MLXIPL: variants seen among roughly 807,000 people sequenced by gnomAD.
MLXIPL encodes MLX interacting protein like.
MLXIPL carries 49 observed loss-of-function variants against 81.5 expected under a neutral mutation model. The ratio of observed to expected loss-of-function variants is 0.60; its 90% confidence interval spans 0.48 to 0.76. MLXIPL has a LOEUF of 0.76. MLXIPL is among the 30% of genes least tolerant of loss of function. The pLI, the probability that MLXIPL is intolerant of heterozygous loss-of-function variation, is 0.00. For missense variants in MLXIPL, 1,053 were observed against 1,167.0 expected (o/e 0.90, Z 1.42); for synonymous variants, 466 against 485.5 (o/e 0.96, Z 0.53).
At chr7:73,600,694 G>T (rs1291135930) in intron 7 of MLXIPL, among the ~76,000 whole-genome samples, 3 of 105,780 alleles carry the variant, frequency 2.8e-5, no homozygotes, top group African/African-American at 1.0e-4. Flanking sequence ...GGGTGGGGGC[G>T]AGAGGGGCCC....
the MLXIPL span, among the ~76,000 whole-genome samples, chr7:73,643,030 T>C: frequency 7.2e-5 from 11 of 152,136 alleles, no homozygotes; most frequent in Non-Finnish European, 1.5e-4. Context: ...CCAAGGGTTG[T>C]AGGAGCTGTG....
At chr7:73,603,993 A>G (rs1481732035) in intron 7 of MLXIPL, among the ~76,000 whole-genome samples, 1 of 152,010 alleles carries the variant, frequency 6.6e-6, no homozygotes, top group Non-Finnish European at 1.5e-5. Flanking sequence ...AGGTGGGAGG[A>G]TCGCTTGAGG....
In MLXIPL at chr7:73,607,647, C is replaced by G. The variant is rs1554598754; in HGVS notation, c.426G>C (p.Val142=). ...CCTGCAGGGGGGTCACGAAGCCACA[C>G]ACGGGGCTCTTCCTCCGCTTCACAT... is the stretch of plus-strand genomic sequence containing the variant. ...IQYVKRRKSP[V]CGFVTPLQGP... The change falls in exon 3 of 17, where the codon GTG becomes GTC. Residue 142 remains valine (V), a synonymous_variant. Transcript: ENST00000313375. 1 of 1,613,488 alleles carries G rather than the reference C, an allele frequency of 6.2e-7. No individual in the cohort carries two copies. The highest frequency in any genetic ancestry group is 1.7e-5 in the Admixed American group (1 of 60,020).
intron 8 of MLXIPL, 130 bp from the exon 9 acceptor site, chr7:73,597,843 A>T (rs1422669372): frequency 3.8e-6 from 2 of 524,012 alleles, no homozygotes; most frequent in Non-Finnish European, 6.0e-6. Flanking sequence ...AGATAGGAGA[A>T]ATGAGCCCTG....
chr7:73,601,964 G>A (rs1402216862), intron 7 of MLXIPL, among the ~76,000 whole-genome samples: 5 of 152,070 alleles, frequency 3.3e-5, no homozygotes, highest in African/African-American at 1.2e-4. Context: ...CGCTCCGTCT[G>A]AGGCCATGTG....
intron 1 of MLXIPL, among the ~76,000 whole-genome samples, chr7:73,621,371 G>A (rs1796335113): frequency 6.6e-6 from 1 of 151,276 alleles, no homozygotes; most frequent in African/African-American, 2.4e-5. Context: ...CCTGCAGAGG[G>A]TGAAACCTTG....
chr7:73,603,776 G>C (rs1308172767), intron 7 of MLXIPL, among the ~76,000 whole-genome samples: 1 of 152,158 alleles, frequency 6.6e-6, no homozygotes, highest in Non-Finnish European at 1.5e-5. Flanking sequence ...AGTGAGGAAG[G>C]CCACTTGGAA....
the MLXIPL span, among the ~76,000 whole-genome samples, chr7:73,642,701 G>T: frequency 2.0e-5 from 3 of 152,076 alleles, no homozygotes; most frequent in Non-Finnish European, 4.4e-5. Flanking sequence ...TTGCCATGTT[G>T]CCCAGTCTGG....
chr7:73,646,882 C>T, the MLXIPL span, among the ~76,000 whole-genome samples: 1 of 152,146 alleles, frequency 6.6e-6, no homozygotes, highest in Non-Finnish European at 1.5e-5. Context: ...CCCCTGACTT[C>T]CTGACTCAGC....
chr7:73,639,161 G>A, the MLXIPL span, among the ~76,000 whole-genome samples: 7 of 152,084 alleles, frequency 4.6e-5, no homozygotes, highest in African/African-American at 7.2e-5. Context: ...GGCTGCTTCC[G>A]GGGGAGGCTT....
the MLXIPL span, among the ~76,000 whole-genome samples, chr7:73,637,243 C>T: frequency 5.9e-5 from 9 of 151,480 alleles, no homozygotes; most frequent in Middle Eastern, 3.5e-3. Flanking sequence ...TTTGGCAGGC[C>T]GAGGCAAGAG....
the MLXIPL span, among the ~76,000 whole-genome samples, chr7:73,644,734 G>A: frequency 6.6e-6 from 1 of 152,156 alleles, no homozygotes; most frequent in Non-Finnish European, 1.5e-5. Flanking sequence ...GGACAAAGAA[G>A]ATAGGGCGAC....
chr7:73,620,379 G>A (rs1342610951), intron 1 of MLXIPL, among the ~76,000 whole-genome samples: 1 of 151,870 alleles, frequency 6.6e-6, no homozygotes, highest in Non-Finnish European at 1.5e-5. Context: ...ACTCCAGCTT[G>A]AGTGTCACAG....
At chr7:73,606,396 T>G (rs1238311696) in intron 5 of MLXIPL, 15 of 342,242 alleles carry the variant, frequency 4.4e-5, no homozygotes, top group Non-Finnish European at 6.4e-5. Context: ...GTCCCTCTGG[T>G]TTTTTTTTTT....
chr7:73,597,251 G>C lies in MLXIPL; in HGVS notation c.1534C>G (p.Pro512Ala). ...GQKASPPTLAPATASPPTTAG... is the reference protein window; with the variant it reads ...GQKASPPTLAAATASPPTTAG... ...GTGGTGGGGGGACTGGCAGTGGCAGGGGCTAAGGTAGGGGGGCTGGCTTTC... is the reference window on the plus strand; with the variant it reads ...GTGGTGGGGGGACTGGCAGTGGCAGCGGCTAAGGTAGGGGGGCTGGCTTTC... Residue 512 changes from proline (P) to alanine (A), a missense_variant, in exon 9 of 17, where the codon CCT becomes GCT. Transcript: ENST00000313375. 6.2e-7 allele frequency: 1 copy of C among 1,600,240 alleles called. No homozygotes were observed. The highest frequency in any genetic ancestry group is 8.5e-7 in the Non-Finnish European group (1 of 1,175,506).
intron 5 of MLXIPL, chr7:73,606,503 G>A: frequency 3.2e-6 from 1 of 315,244 alleles, no homozygotes. Flanking sequence ...TCAGCTCACT[G>A]CAACCTCCAC....
At chr7:73,640,300 G>A in the MLXIPL span, among the ~76,000 whole-genome samples, 1 of 151,216 alleles carries the variant, frequency 6.6e-6, no homozygotes, top group Non-Finnish European at 1.5e-5. Context: ...AGCTTCTTGG[G>A]GTGCTGAGGT....
chr7:73,637,828 G>T, the MLXIPL span, among the ~76,000 whole-genome samples: 1 of 152,304 alleles, frequency 6.6e-6, no homozygotes, highest in South Asian at 2.1e-4. Flanking sequence ...TGTCAGGCAG[G>T]GTGAGAGGTC....
intron 1 of MLXIPL, among the ~76,000 whole-genome samples, chr7:73,617,662 T>C (rs568646654): frequency 5.1e-4 from 77 of 151,574 alleles, no homozygotes; most frequent in African/African-American, 1.7e-3. Context: ...CTGGGCAACA[T>C]AGCAAGACCC....
Sources: gnomAD v4.1 joint callset for allele counts (sites outside exome capture counted in the v4.1 genomes callset) on GRCh38, gnomAD v4.1.1 for gene constraint, MANE v1.5 for transcripts, NCBI Gene and HGNC (gene_info 2026-07-23, HGNC 2026-07-21) for gene names.